NME1: variants seen among roughly 807,000 people sequenced by gnomAD.
The protein encoded by NME1 is NME/NM23 nucleoside diphosphate kinase 1, also known as nucleoside diphosphate kinase A.
NME1 carries 9 observed loss-of-function variants against 17.2 expected under a neutral mutation model. The ratio of observed to expected loss-of-function variants is 0.52; its 90% CI spans 0.32 to 0.92. The LOEUF (loss-of-function observed/expected upper bound fraction) is 0.92. Ranked by LOEUF, NME1 falls within the 40% of genes least tolerant of loss-of-function variation. The pLI, the probability that NME1 is intolerant of heterozygous loss-of-function variation, is 0.04. For missense variants in NME1, 169 were observed against 201.7 expected (o/e 0.84, Z 0.98); for synonymous variants, 72 against 70.8 (o/e 1.02, Z -0.09).
intron 2 of NME1, 30 bp from the exon 3 acceptor site, chr17:51,159,950 G>A: frequency 6.2e-7 from 1 of 1,612,274 alleles, no homozygotes; most frequent in East Asian, 2.2e-5. Flanking sequence ...TGGTTTGGGG[G>A]TTATTCTCAT....
At chr17:51,157,839 G>C (rs2049809000) in intron 2 of NME1, among the ~76,000 whole-genome samples, 1 of 152,140 alleles carries the variant, frequency 6.6e-6, no homozygotes, top group African/African-American at 2.4e-5. Flanking sequence ...GGATATATGG[G>C]TTTGGTGAAG....
intron 1 of NME1, among the ~76,000 whole-genome samples, chr17:51,154,954 G>T (rs2049763489): frequency 6.6e-6 from 1 of 152,142 alleles, no homozygotes; most frequent in African/African-American, 2.4e-5. Flanking sequence ...TAAATCAAAT[G>T]GTGGCCAGGC....
At position 51,161,715 on chromosome 17, in the gene NME1, T is replaced by G. The variant is rs1347378858; in HGVS notation, c.342-13T>G. 2 of 1,596,268 alleles carry G rather than the reference T, an allele frequency of 1.3e-6. No homozygotes were observed. The highest frequency in any genetic ancestry group is 2.2e-5 in the South Asian group (2 of 90,710). On this transcript the variant is annotated splice_polypyrimidine_tract_variant and intron_variant, in intron 4 of 4. Transcript: ENST00000393196. ...CTGGTCTTGGTCATGTGACTATCTC[T>G]TTCTCCACCCAGGAACATTATACAT...
At chr17:51,154,767 A>T (rs1349727235) in intron 1 of NME1, among the ~76,000 whole-genome samples, 2 of 152,216 alleles carry the variant, frequency 1.3e-5, no homozygotes, top group Non-Finnish European at 2.9e-5. Context: ...GCATTAAGTC[A>T]AACTATTATT....
At chr17:51,157,912 A>G (rs1444848677) in intron 2 of NME1, among the ~76,000 whole-genome samples, 1 of 152,158 alleles carries the variant, frequency 6.6e-6, no homozygotes, top group Non-Finnish European at 1.5e-5. Context: ...TGGAGGCAGG[A>G]AGCAAGGGAG....
chr17:51,161,313 T>G, intron 4 of NME1, 41 bp downstream of exon 4: 1 of 1,547,412 alleles, frequency 6.5e-7, no homozygotes, highest in Non-Finnish European at 8.8e-7. Context: ...AAAATCTGAT[T>G]TAGTTGCCAC....
Position 51,162,005 on chromosome 17 carries a change from G to C in NME1, c.*160G>C, listed in dbSNP as rs540437062. 4.9e-6 allele frequency: 3 copies of C among 617,000 alleles called. No homozygotes were observed. The Admixed American group carries it at 8.1e-5, about 17-fold the overall frequency. The allele number at this position is 617,000 out of a possible 1,614,324, so 38.2% of individuals were successfully genotyped here. A position where few individuals can be genotyped will look rare whatever the true frequency, so the allele number is the denominator to read the frequency against. On this transcript the variant is annotated 3_prime_UTR_variant, in exon 5 of 5. Transcript: ENST00000393196. Reference sequence around the variant, plus strand: ...CTCCCTGTACAGTGTTACCATCCCCGACCATCTGATTAAAATGCTTCCTCC... The same window carrying C: ...CTCCCTGTACAGTGTTACCATCCCCCACCATCTGATTAAAATGCTTCCTCC...
At chr17:51,161,310 G>T in intron 4 of NME1, 38 bp downstream of exon 4, 1 of 1,552,098 alleles carries the variant, frequency 6.4e-7, no homozygotes, top group African/African-American at 1.4e-5. Context: ...TCCAAAATCT[G>T]ATTTAGTTGC....
Position 51,154,529 on chromosome 17 carries a change from G to A in NME1, c.-5+867G>A, listed in dbSNP as rs965658691. ...AGGCTTCCTTTCAGTATGATGTCCC[G>A]TATCAGATATTCCTAATGTCTGTAG... On this transcript the variant is annotated intron_variant, in intron 1 of 4. Transcript: ENST00000393196. 1.4e-5 allele frequency: 16 copies of A among 1,141,696 alleles called. No homozygotes were observed. In the African/African-American group the frequency reaches 2.3e-4, roughly 16 times the overall value. The allele number at this position is 1,141,696 out of a possible 1,614,324, so 70.7% of individuals were successfully genotyped here. A position where few individuals can be genotyped will look rare whatever the true frequency, so the allele number is the denominator to read the frequency against.
Position 51,156,993 on chromosome 17 carries a change from G to A in NME1, c.126+1213G>A, listed in dbSNP as rs539207152. On this transcript the variant is annotated intron_variant, in intron 2 of 4. Coordinates refer to ENST00000393196, the MANE Select transcript of NME1 (RefSeq NM_000269.3). ...GCAGCCTGGGCAACAGAGGGAGGGA[G>A]ACTCTGTCTCAAAAAAAAAAAAAGA... Among the ~76,000 whole-genome samples the A allele has an allele frequency of 2.1e-4, 29 of 137,654 alleles. 1 individual carries two copies. Among genetic ancestry groups the A allele is most frequent in the Admixed American group, 1.4e-3 (18 of 13,088 alleles). 90.3% of individuals were successfully genotyped at this position (137,654 alleles called of 152,430 possible).
intron 2 of NME1, 41 bp from the exon 3 acceptor site, chr17:51,159,939 A>T: frequency 3.1e-6 from 5 of 1,610,192 alleles, no homozygotes; most frequent in Middle Eastern, 1.7e-4. Context: ...ATGTCCTTAG[A>T]TGGTTTGGGG....
At chr17:51,154,651 G>T (rs34214448) in intron 1 of NME1, among the ~76,000 whole-genome samples, 58,736 of 152,028 alleles carry the variant, frequency 0.39, 11,330 homozygotes, top group Admixed American at 0.41. Context: ...GGTTGGGAAT[G>T]CTGGGTTTTG....
chr17:51,156,729 T>C (rs1408200661), intron 2 of NME1, among the ~76,000 whole-genome samples: 3 of 151,750 alleles, frequency 2.0e-5, no homozygotes, highest in Non-Finnish European at 4.4e-5. Context: ...CCGTCTCTAC[T>C]AAAAATACAA....
intron 4 of NME1, 189 bp from the exon 5 acceptor site, chr17:51,161,539 C>A: frequency 1.5e-6 from 1 of 678,290 alleles, no homozygotes; most frequent in Non-Finnish European, 2.6e-6. Context: ...CCAGCGTGGC[C>A]GGGAGGGCTG....
chr17:51,160,126 A>T, intron 3 of NME1, 45 bp downstream of exon 3: 1 of 1,604,470 alleles, frequency 6.2e-7, no homozygotes, highest in Non-Finnish European at 8.5e-7. Context: ...ATTGCTTGTC[A>T]TCTGTGCTAG....
At chr17:51,158,109 G>A (rs1480741809) in intron 2 of NME1, among the ~76,000 whole-genome samples, 5 of 152,152 alleles carry the variant, frequency 3.3e-5, no homozygotes, top group Admixed American at 1.3e-4. Flanking sequence ...GTGAAACCCC[G>A]TCTCTACTAA....
intron 2 of NME1, 22 bp from the exon 3 acceptor site, chr17:51,159,958 C>T: frequency 6.2e-7 from 1 of 1,613,468 alleles, no homozygotes; most frequent in East Asian, 2.2e-5. Flanking sequence ...GGGTTATTCT[C>T]ATTCTCTGTC....
rs765050521 is a variant in NME1 at position 51,155,755 on chromosome 17, G to T, written c.101G>T (p.Arg34Leu). The T allele has an allele frequency of 3.3e-5, 53 of 1,613,772 alleles. No homozygotes were observed. Among genetic ancestry groups the T allele is most frequent in the Non-Finnish European group, 4.2e-5 (50 of 1,179,854 alleles). Reference protein sequence around the residue: ...IIKRFEQKGFRLVGLKFMQAS... With the variant: ...IIKRFEQKGFLLVGLKFMQAS... ...AAGCGTTTTGAGCAGAAAGGATTCC[G>T]CCTTGTTGGTCTGAAATTCATGCAA... Residue 34 changes from arginine to leucine, a missense_variant, in exon 2 of 5, where the codon CGC (arginine) becomes CTC (leucine). By Grantham distance (102) the Arg-to-Leu change is moderately radical. Coordinates refer to ENST00000393196, the MANE Select transcript of NME1 (RefSeq NM_000269.3).
intron 3 of NME1, 120 bp downstream of exon 3, chr17:51,160,201 C>A (rs2041296): frequency 1.9e-6 from 2 of 1,032,654 alleles, no homozygotes; most frequent in Admixed American, 1.8e-5. Flanking sequence ...TTTTCATATA[C>A]CAGCTAATGG....
Sources: gnomAD v4.1 joint callset for allele counts (sites outside exome capture counted in the v4.1 genomes callset) on GRCh38, gnomAD v4.1.1 for gene constraint, MANE v1.5 for transcripts, NCBI Gene and HGNC (gene_info 2026-07-23, HGNC 2026-07-21) for gene names.